The following PTPRQ variants were observed in gnomAD, a reference collection of about 807,000 sequenced individuals.
The protein encoded by PTPRQ is phosphatidylinositol phosphatase PTPRQ.
Under a neutral mutation model 246.0 loss-of-function variants are expected in PTPRQ, and 199 were observed. That is an observed-to-expected ratio of 0.81 (90% CI 0.72 to 0.91). PTPRQ has a LOEUF of 0.91. PTPRQ is among the 40% of genes least tolerant of loss of function. The pLI is 0.00. For missense variants in PTPRQ, 2,624 were observed against 2,528.4 expected, an observed-to-expected ratio of 1.04 and a Z score of -0.81; for synonymous variants, 869 against 853.2, an observed-to-expected ratio of 1.02 and a Z score of -0.32.
rs78315832 is a variant in PTPRQ at position 80,493,198 on chromosome 12, T to G, written c.1360-77T>G. 3.7e-3 allele frequency: 4,900 copies of G among 1,333,174 alleles called. 144 individuals carry two copies. In the African/African-American group the frequency reaches 0.066, roughly 18 times the overall value. The allele number at this position is 1,333,174 out of a possible 1,614,324, so 82.6% of individuals were successfully genotyped here. On this transcript the variant is annotated intron_variant, in intron 9 of 44. Transcript: ENST00000644991. Reference sequence around the variant, plus strand: ...ACAGCATGATTCCAAAGTTATAGGTTTTTTAGAACTAATACTTGATTTAAG... The same window carrying G: ...ACAGCATGATTCCAAAGTTATAGGTGTTTTAGAACTAATACTTGATTTAAG...
intron 12 of PTPRQ, 133 bp from the exon 13 acceptor site, chr12:80,495,866 C>T: frequency 9.3e-7 from 1 of 1,076,700 alleles, no homozygotes; most frequent in Non-Finnish European, 1.3e-6. Context: ...TTTGAGGAGA[C>T]TGCAATTATT....
At chr12:80,527,234 T>C (rs1055959716) in intron 17 of PTPRQ, among the ~76,000 whole-genome samples, 3 of 152,134 alleles carry the variant, frequency 2.0e-5, no homozygotes, top group Non-Finnish European at 4.4e-5. Context: ...GAAAAATGTT[T>C]TGAAAAATAT....
chr12:80,565,492 T>C (rs539349106), intron 25 of PTPRQ, among the ~76,000 whole-genome samples: 159 of 152,338 alleles, frequency 1.0e-3, no homozygotes, highest in African/African-American at 3.7e-3. Context: ...CCTCCTCCCC[T>C]ATTTTTTTTC....
intron 24 of PTPRQ, among the ~76,000 whole-genome samples, chr12:80,548,407 T>G (rs1565779378): frequency 1.3e-5 from 2 of 152,156 alleles, no homozygotes. Flanking sequence ...TAGCATTTAA[T>G]TGCCAGATCC....
chr12:80,589,850 A>G (rs577320893), intron 26 of PTPRQ, among the ~76,000 whole-genome samples: 1 of 152,214 alleles, frequency 6.6e-6, no homozygotes, highest in Non-Finnish European at 1.5e-5. Context: ...AATTATTCTC[A>G]GCAAATAATT....
At chr12:80,528,957 C>T (rs1471764596) in intron 17 of PTPRQ, among the ~76,000 whole-genome samples, 1 of 152,122 alleles carries the variant, frequency 6.6e-6, no homozygotes, top group Non-Finnish European at 1.5e-5. Flanking sequence ...CAAACCAAAC[C>T]AAGTTAGCCA....
intron 9 of PTPRQ, among the ~76,000 whole-genome samples, chr12:80,492,224 T>G (rs1446245140): frequency 1.3e-5 from 2 of 151,962 alleles, no homozygotes. Flanking sequence ...CTTAACATCA[T>G]TTTGTTCCTA....
At chr12:80,600,047 A>G (rs1237023676) in intron 26 of PTPRQ, among the ~76,000 whole-genome samples, 1 of 151,870 alleles carries the variant, frequency 6.6e-6, no homozygotes, top group Non-Finnish European at 1.5e-5. Flanking sequence ...AAATGCAAAC[A>G]TTGTTTACAG....
intron 17 of PTPRQ, among the ~76,000 whole-genome samples, chr12:80,510,766 T>C (rs921768579): frequency 6.6e-6 from 1 of 152,154 alleles, no homozygotes; most frequent in African/African-American, 2.4e-5. Flanking sequence ...TTTACACAAG[T>C]ACTCTCATGT....
chr12:80,516,673 AC>A (rs1215229126), intron 17 of PTPRQ, among the ~76,000 whole-genome samples: 8 of 152,210 alleles, frequency 5.3e-5, no homozygotes, highest in African/African-American at 1.4e-4. Flanking sequence ...AAAAAAGTAT[AC>A]CTACTCTAGT....
chr12:80,594,193 C>T (rs1897894131), intron 26 of PTPRQ, among the ~76,000 whole-genome samples: 1 of 152,036 alleles, frequency 6.6e-6, no homozygotes. Flanking sequence ...TTAGTTTTTT[C>T]TAAACTGTGT....
chr12:80,604,007 G>A (rs998499596), intron 26 of PTPRQ, among the ~76,000 whole-genome samples: 1 of 151,466 alleles, frequency 6.6e-6, no homozygotes, highest in Admixed American at 6.6e-5. Context: ...ATATGATGGG[G>A]AAACTGAGGT....
intron 25 of PTPRQ, among the ~76,000 whole-genome samples, chr12:80,553,679 T>G (rs1029708506): frequency 3.2e-4 from 49 of 152,118 alleles, no homozygotes; most frequent in African/African-American, 1.2e-3. Context: ...GAGATTAGTG[T>G]TTGGTGTCTA....
chr12:80,539,329 T>C (rs1392565346), intron 19 of PTPRQ, among the ~76,000 whole-genome samples: 1 of 152,126 alleles, frequency 6.6e-6, no homozygotes, highest in East Asian at 1.9e-4. Flanking sequence ...TTTGAGTTCA[T>C]AGAAACAGGC....
At chr12:80,540,124 A>G (rs1412932469) in intron 20 of PTPRQ, among the ~76,000 whole-genome samples, 180 bp downstream of exon 20, 1 of 152,112 alleles carries the variant, frequency 6.6e-6, no homozygotes, top group Non-Finnish European at 1.5e-5. Context: ...TCTTCTGTTC[A>G]AGAAAACTGC....
intron 6 of PTPRQ, among the ~76,000 whole-genome samples, chr12:80,461,114 A>G (rs7980018): frequency 0.39 from 59,244 of 152,016 alleles, 13,221 homozygotes; most frequent in African/African-American, 0.61. Flanking sequence ...AGATTTGCAA[A>G]AAACAATTCT....
chr12:80,506,241 T>C, intron 15 of PTPRQ, 35 bp downstream of exon 15: 1 of 1,434,002 alleles, frequency 7.0e-7, no homozygotes, highest in South Asian at 1.5e-5. Flanking sequence ...ATATTTGCAT[T>C]TATAATGACA....
rs147518930 is a variant in PTPRQ at position 80,500,303 on chromosome 12, G to A, written c.2272+3772G>A. Among the ~76,000 whole-genome samples the A allele has an allele frequency of 5.6e-4, 85 of 151,610 alleles. 1 individual carries two copies. In the East Asian group the frequency reaches 0.015, roughly 26 times the overall value. On this transcript the variant is annotated intron_variant, in intron 14 of 44. Coordinates refer to ENST00000644991, the MANE Select transcript of PTPRQ (RefSeq NM_001145026.2). ...ACTTTATAAAATATTTCTATAATTC[G>A]GGGACACTCTGCTATTTCAGAAAAT...
At chr12:80,450,983 A>G (rs943304306) in intron 3 of PTPRQ, among the ~76,000 whole-genome samples, 1 of 152,216 alleles carries the variant, frequency 6.6e-6, no homozygotes, top group Non-Finnish European at 1.5e-5. Flanking sequence ...CTCTGGTAGA[A>G]TTCGGCTGTG....
Sources: allele counts gnomAD v4.1 joint callset (sites outside exome capture counted in the v4.1 genomes callset), GRCh38; gene constraint gnomAD v4.1.1; transcripts MANE v1.5; gene names NCBI Gene and HGNC (gene_info 2026-07-23, HGNC 2026-07-21).